The following ACOT11 variants were observed in gnomAD, a reference collection of about 807,000 sequenced individuals.
ACOT11 encodes the protein acyl-CoA thioesterase 11, also known as acyl-coenzyme A thioesterase 11.
Under a neutral mutation model 77.5 loss-of-function variants are expected in ACOT11, and 69 were observed. The ratio of observed to expected loss-of-function variants is 0.89; its 90% CI spans 0.73 to 1.09. ACOT11 has a LOEUF of 1.09. Ranked by LOEUF, ACOT11 falls within the 50% of genes least tolerant of loss-of-function variation. The pLI is 0.00. For synonymous variants in ACOT11, 279 were observed against 313.0 expected (o/e 0.89, Z 1.15); for missense variants, 766 against 813.7 (o/e 0.94, Z 0.71).
chr1:54,600,420 C>T (rs1186470960), intron 8 of ACOT11, among the ~76,000 whole-genome samples: 1 of 152,210 alleles, frequency 6.6e-6, no homozygotes, highest in Non-Finnish European at 1.5e-5. Context: ...CAGTGGCTCA[C>T]GCCTGTAATC....
intron 1 of ACOT11, among the ~76,000 whole-genome samples, chr1:54,554,194 A>G (rs1046321365): frequency 9.9e-6 from 1 of 100,548 alleles, no homozygotes; most frequent in Non-Finnish European, 2.6e-5. Flanking sequence ...AAAAGAAAAC[A>G]AAAAAAAAAA....
rs552875818 is a variant in ACOT11, at chr1:54,572,192, C to T, written c.34-12463C>T. On this transcript the variant is annotated intron_variant, in intron 1 of 15. Transcript: ENST00000343744. ...TGTTCCTTCCCTCCTGTCTTTGACG[C>T]CTTTCCTTTCTCTCTCTCTGACTCT... Among the ~76,000 whole-genome samples the T allele has an allele frequency of 2.2e-4, 25 of 112,758 alleles. No homozygotes were observed. The South Asian group carries it at 6.8e-3, about 31-fold the overall frequency. The allele number at this position is 112,758 out of a possible 152,430, so 74.0% of individuals were successfully genotyped here.
Position 54,554,349 on chromosome 1 carries a change from A to ATT in ACOT11, c.33+6008_33+6009insTT, listed in dbSNP as rs1305967505. On this transcript the variant is annotated intron_variant, in intron 1 of 15. Coordinates refer to ENST00000343744, the MANE Select transcript of ACOT11 (RefSeq NM_147161.4). ...TGTGTGTGTGTATATATATATATAT[A>ATT]TATTTTTTTTTTTTTTTTTTGAGAT... 1.4e-3 allele frequency among the ~76,000 whole-genome samples: 109 copies of ATT among 79,140 alleles called. 6 individuals are homozygous for ATT. Among genetic ancestry groups the ATT allele is most frequent in the Admixed American group, 0.014 (99 of 7,192 alleles). 51.9% of individuals were successfully genotyped at this position (79,140 alleles called of 152,430 possible). A position where few individuals can be genotyped will look rare whatever the true frequency, so the allele number is the denominator to read the frequency against.
chr1:54,572,105 C>A (rs1653947999), intron 1 of ACOT11, among the ~76,000 whole-genome samples: 1 of 151,872 alleles, frequency 6.6e-6, no homozygotes, highest in Non-Finnish European at 1.5e-5. Context: ...TCCTGCTCGC[C>A]TCTCTTCTGC....
rs763749346 is a variant in ACOT11, at chr1:54,599,368, C to T, written c.837C>T (p.Gly279=). 1.5e-5 allele frequency: 24 copies of T among 1,608,186 alleles called. No homozygotes were observed. The highest frequency in any genetic ancestry group is 1.9e-5 in the Non-Finnish European group (22 of 1,177,546). The change falls in exon 8 of 16, where the codon GGC becomes GGT. Residue 279 remains glycine, a synonymous_variant. Transcript: ENST00000343744. ...MFHFRGPSQV[G]DRLVLKAIVN... is the part of the protein sequence containing the mutation. The stretch of plus-strand genomic sequence containing the variant: ...ACTTCCGAGGCCCGTCCCAGGTCGG[C>T]GACCGTCTGGTGCTCAAAGCCATCG...
chr1:54,634,076 C>T (rs1252089120), intron 16 of ACOT11, among the ~76,000 whole-genome samples: 4 of 152,244 alleles, frequency 2.6e-5, no homozygotes, highest in Admixed American at 6.5e-5. Context: ...TGGGAGAACT[C>T]GGATTGTTAA....
chr1:54,559,053 C>T (rs182154604), intron 1 of ACOT11, among the ~76,000 whole-genome samples: 2 of 152,284 alleles, frequency 1.3e-5, no homozygotes, highest in African/African-American at 2.4e-5. Flanking sequence ...GCTCAGCCCC[C>T]GTGAGAGACG....
intron 9 of ACOT11, 125 bp from the exon 10 acceptor site, chr1:54,602,544 C>A: frequency 1.1e-6 from 1 of 905,180 alleles, no homozygotes; most frequent in Non-Finnish European, 1.5e-6. Flanking sequence ...GTTTTGATTC[C>A]AGCTGCCCCA....
rs1035053450 is a variant in ACOT11 at position 54,623,429 on chromosome 1, T to G, written c.1630-7305T>G. 4 of 1,549,278 alleles carry G rather than the reference T, an allele frequency of 2.6e-6. No homozygotes were observed. In the African/African-American group the frequency reaches 5.4e-5, roughly 21 times the overall value. On this transcript the variant is annotated intron_variant, in intron 15 of 16. Coordinates refer to the ACOT11 transcript ENST00000371316. ...TCTCTGGGGAATGCCCCCAACTCCG[T>G]GCGGCCCAGAGTCCCTGAGGCTCCC...
chr1:54,557,942 G>C (rs1388285819), intron 1 of ACOT11, among the ~76,000 whole-genome samples: 1 of 152,164 alleles, frequency 6.6e-6, no homozygotes, highest in African/African-American at 2.4e-5. Context: ...GGGCATCTTT[G>C]TTTTATCCCA....
intron 1 of ACOT11, among the ~76,000 whole-genome samples, chr1:54,558,807 G>A (rs1407887508): frequency 6.6e-6 from 1 of 152,218 alleles, no homozygotes; most frequent in Non-Finnish European, 1.5e-5. Flanking sequence ...TGTAGGCTGA[G>A]TTTGGGCTTT....
At chr1:54,580,671 A>G (rs1332110469) in intron 1 of ACOT11, among the ~76,000 whole-genome samples, 2 of 152,066 alleles carry the variant, frequency 1.3e-5, no homozygotes, top group Admixed American at 1.3e-4. Flanking sequence ...GCATTTATTT[A>G]GCCCCAAATC....
At position 54,609,219 on chromosome 1, in the gene ACOT11, C is replaced by CCTGGCACAACTCTAGCATATCT. The variant is rs1644078574; in HGVS notation, c.*107_*108insCTGGCACAACTCTAGCATATCT. 6.3e-7 allele frequency: 1 copy of CCTGGCACAACTCTAGCATATCT among 1,589,794 alleles called. No homozygotes were observed. The highest frequency in any genetic ancestry group is 1.3e-5 in the African/African-American group (1 of 74,368). The stretch of plus-strand genomic sequence containing the variant: ...AGACCTTTATTTCTTCCTGCCTCCC[C>CCTGGCACAACTCTAGCATATCT]GTGGGAAGCCTCCGCCCTGAGGTCC... On this transcript the variant is annotated 3_prime_UTR_variant, in exon 16 of 16. Transcript: ENST00000343744.
downstream of ACOT11, chr1:54,610,618 C>CT (rs1644107944): frequency 3.2e-6 from 5 of 1,575,266 alleles, no homozygotes; most frequent in Non-Finnish European, 4.3e-6. Context: ...TACCTGGTTG[C>CT]TAGGGTCCCA....
intron 15 of ACOT11, among the ~76,000 whole-genome samples, chr1:54,629,905 T>C (rs1644290706): frequency 7.5e-6 from 1 of 133,306 alleles, no homozygotes; most frequent in Non-Finnish European, 1.7e-5. Flanking sequence ...TTTTTATTTT[T>C]ATTTTTATGT....
At chr1:54,594,374 T>C (rs11206392) in intron 5 of ACOT11, among the ~76,000 whole-genome samples, 182 bp from the exon 6 acceptor site, 8,269 of 152,234 alleles carry the variant, frequency 0.054, 246 homozygotes, top group Middle Eastern at 0.15. Flanking sequence ...GGAGGATGAA[T>C]ATGTATCAGG....
At chr1:54,562,291 A>G (rs1172760053) in intron 1 of ACOT11, among the ~76,000 whole-genome samples, 1 of 99,390 alleles carries the variant, frequency 1.0e-5, no homozygotes, top group Admixed American at 9.0e-5. Context: ...TCCCTCCCGG[A>G]CGGGGCGGCT....
In ACOT11 at chr1:54,623,146, C is replaced by T. The variant is rs1020207951; in HGVS notation, c.1630-7588C>T. ...AGCCGAGAATCGTGCCATTGTACTCCAGCCTGGGCAACAAGAGCAAAACTC... is the reference window on the plus strand; with the variant it reads ...AGCCGAGAATCGTGCCATTGTACTCTAGCCTGGGCAACAAGAGCAAAACTC... On this transcript the variant is annotated intron_variant, in intron 15 of 16. Transcript: ENST00000371316. 2.3e-5 allele frequency: 15 copies of T among 638,358 alleles called. No homozygotes were observed. In the African/African-American group the frequency reaches 2.6e-4, roughly 11 times the overall value. The allele number at this position is 638,358 out of a possible 1,614,324, so 39.5% of individuals were successfully genotyped here. A position where few individuals can be genotyped will look rare whatever the true frequency, so the allele number is the denominator to read the frequency against.
In ACOT11 at chr1:54,607,784, A is replaced by G. The variant is rs1644046428; in HGVS notation, c.1503-158A>G. Among the ~76,000 whole-genome samples, 1 of 150,038 alleles carries G rather than the reference A, an allele frequency of 6.7e-6. No individual in the cohort carries two copies. The highest frequency in any genetic ancestry group is 1.5e-5 in the Non-Finnish European group (1 of 67,484). On this transcript the variant is annotated intron_variant, in intron 14 of 15. Coordinates refer to ENST00000343744, the MANE Select transcript of ACOT11 (RefSeq NM_147161.4). This position sits in a 1 kb window ranked among gnomAD's most constrained non-coding sequence, Gnocchi z 4.5. Reference sequence around the variant, plus strand: ...ACCTCCTCCCTCCAGCCTGGCCCTGAGCCCCGCATTGGGGCTTTAAGAGTC... The same window carrying G: ...ACCTCCTCCCTCCAGCCTGGCCCTGGGCCCCGCATTGGGGCTTTAAGAGTC...
Sources: gnomAD v4.1 joint callset for allele counts (sites outside exome capture counted in the v4.1 genomes callset) on GRCh38, gnomAD v4.1.1 for gene constraint, Gnocchi (gnomAD v3.1) non-coding constraint, MANE v1.5 for transcripts, NCBI Gene and HGNC (gene_info 2026-07-23, HGNC 2026-07-21) for gene names.